Variants in TRAPPC12 observed in about 807,000 individuals in gnomAD.
The protein encoded by TRAPPC12 is trafficking protein particle complex subunit 12, also known as TPR repeat protein 15.
In TRAPPC12, 61 loss-of-function variants were observed where a neutral mutation model predicts 69.2. The ratio of observed to expected loss-of-function variants is 0.88; its 90% confidence interval spans 0.72 to 1.09. The LOEUF (loss-of-function observed/expected upper bound fraction) is 1.09. TRAPPC12 is among the 50% of genes least tolerant of loss of function. The probability of loss-of-function intolerance (pLI) is 0.00; values close to 1 mark genes in which losing one functional copy is unlikely to be tolerated. For synonymous variants in TRAPPC12, 469 were observed against 438.9 expected, an observed-to-expected ratio of 1.07 and a Z score of -0.86; for missense variants, 1,101 against 1,016.4, an observed-to-expected ratio of 1.08 and a Z score of -1.13.
chr2:3,434,080 A>G (rs988461194), intron 5 of TRAPPC12, among the ~76,000 whole-genome samples: 19 of 152,206 alleles, frequency 1.2e-4, no homozygotes, highest in African/African-American at 4.6e-4. Flanking sequence ...AGGTATTTTT[A>G]TGTGCATTTA....
intron 3 of TRAPPC12, among the ~76,000 whole-genome samples, chr2:3,421,448 A>G (rs1348351633): frequency 6.6e-6 from 1 of 152,270 alleles, no homozygotes; most frequent in Non-Finnish European, 1.5e-5. Context: ...TCATATGCAA[A>G]TCTTACAGAT....
chr2:3,396,298 A>G (rs1661129428), intron 2 of TRAPPC12, among the ~76,000 whole-genome samples: 1 of 150,532 alleles, frequency 6.6e-6, no homozygotes, highest in Admixed American at 6.6e-5. Context: ...TTTGACTTGC[A>G]TAGTTTCTGA....
chr2:3,429,258 A>G (rs1663292170), intron 5 of TRAPPC12, among the ~76,000 whole-genome samples: 1 of 152,226 alleles, frequency 6.6e-6, no homozygotes, highest in Non-Finnish European at 1.5e-5. Flanking sequence ...GACTTCACAC[A>G]TAACTTGGCA....
At chr2:3,426,513 G>C (rs1039588544) in intron 5 of TRAPPC12, among the ~76,000 whole-genome samples, 2 of 152,246 alleles carry the variant, frequency 1.3e-5, no homozygotes, top group African/African-American at 4.8e-5. Flanking sequence ...GTGTTCAGGA[G>C]CTCTGTCTGC....
At chr2:3,412,142 C>G (rs150859858) in intron 3 of TRAPPC12, among the ~76,000 whole-genome samples, 3 of 152,240 alleles carry the variant, frequency 2.0e-5, no homozygotes, top group African/African-American at 7.2e-5. Flanking sequence ...AAGTGCCACA[C>G]TAAAGAAATG....
chr2:3,418,411 C>T (rs1306809194), intron 3 of TRAPPC12, among the ~76,000 whole-genome samples: 1 of 152,182 alleles, frequency 6.6e-6, no homozygotes, highest in Non-Finnish European at 1.5e-5. Context: ...GCAAGCCACT[C>T]GCGGGCTGAA....
intron 2 of TRAPPC12, among the ~76,000 whole-genome samples, chr2:3,400,500 A>G (rs1488607956): frequency 5.3e-5 from 8 of 152,060 alleles, no homozygotes; most frequent in Non-Finnish European, 1.2e-4. Flanking sequence ...CAGGGACCTC[A>G]GTGCTGCTGC....
At chr2:3,427,707 A>G (rs949725509) in intron 5 of TRAPPC12, among the ~76,000 whole-genome samples, 2 of 152,208 alleles carry the variant, frequency 1.3e-5, no homozygotes, top group African/African-American at 4.8e-5. Flanking sequence ...CCTGGCCAAC[A>G]TGGCAAAACC....
chr2:3,475,005 A>G (rs890454315), intron 9 of TRAPPC12, among the ~76,000 whole-genome samples: 2 of 152,162 alleles, frequency 1.3e-5, no homozygotes, highest in African/African-American at 4.8e-5. Context: ...TGCTCTTACC[A>G]TTATTTCCAT....
rs34767789 is a variant in TRAPPC12, at chr2:3,423,322, TTGTGTGTGTG to T, written c.1279-1181_1279-1172del. Among the ~76,000 whole-genome samples, 373 of 149,188 alleles carry T rather than the reference TTGTGTGTGTG, an allele frequency of 2.5e-3. 2 individuals are homozygous for T. Among genetic ancestry groups the T allele is most frequent in the Middle Eastern group, 0.01 (3 of 290 alleles). The stretch of plus-strand genomic sequence containing the variant: ...ATCGCATGCATTGCCTCGCATGCCT[TTGTGTGTGTG>T]TGTGTGTGTGTGTGTGTGTGTAATG... On this transcript the variant is annotated intron_variant, in intron 4 of 11. Transcript: ENST00000324266.
rs575339947 is a variant in TRAPPC12, at chr2:3,428,789, C to T, written c.1417+4126C>T. Among the ~76,000 whole-genome samples, 16 of 152,228 alleles carry T rather than the reference C, an allele frequency of 1.1e-4. No homozygotes were observed. The East Asian group carries it at 2.5e-3, about 24-fold the overall frequency. ...ATCCCGAGGACTACGTGCCTGGGGC[C>T]GACCCAGCCCCGCGCCCCCGGAGCT... On this transcript the variant is annotated intron_variant, in intron 5 of 11. Transcript: ENST00000324266.
intron 1 of TRAPPC12, among the ~76,000 whole-genome samples, chr2:3,385,936 A>G (rs1425711360): frequency 6.6e-6 from 1 of 152,190 alleles, no homozygotes; most frequent in Admixed American, 6.5e-5. Flanking sequence ...TTCTAGGGCA[A>G]TTTGTTCTTC....
At chr2:3,458,868 C>A (rs1046728495) in intron 7 of TRAPPC12, among the ~76,000 whole-genome samples, 1 of 152,146 alleles carries the variant, frequency 6.6e-6, no homozygotes, top group Non-Finnish European at 1.5e-5. Flanking sequence ...CAAAGATCAT[C>A]AGAATAAATA....
At chr2:3,396,414 T>C (rs1202319264) in intron 2 of TRAPPC12, among the ~76,000 whole-genome samples, 1 of 152,208 alleles carries the variant, frequency 6.6e-6, no homozygotes, top group African/African-American at 2.4e-5. Context: ...AGTTTGGTTC[T>C]GATGTACTTT....
At chr2:3,435,150 TTA>T (rs1259317008) in intron 5 of TRAPPC12, among the ~76,000 whole-genome samples, 3 of 152,182 alleles carry the variant, frequency 2.0e-5, no homozygotes, top group Non-Finnish European at 4.4e-5. Flanking sequence ...GTAGCTGAGA[TTA>T]TAGGCGCATG....
In TRAPPC12 at chr2:3,478,737, C is replaced by T. The variant is rs115622381; in HGVS notation, c.1878-109C>T. On this transcript the variant is annotated intron_variant, in intron 10 of 11. Transcript: ENST00000324266. ...TGGAGATCAGGAACCCCGGGCCACA[C>T]AGGGCCATACGCTGGGTCTCTGTGG... 1,257 of 908,402 alleles carry T rather than the reference C, an allele frequency of 1.4e-3. 12 individuals carry two copies. In the African/African-American group the frequency reaches 0.019, roughly 14 times the overall value. 56.3% of individuals were successfully genotyped at this position (908,402 alleles called of 1,614,324 possible).
chr2:3,435,043 C>T (rs1324428790), intron 5 of TRAPPC12, among the ~76,000 whole-genome samples: 1 of 152,198 alleles, frequency 6.6e-6, no homozygotes, highest in Non-Finnish European at 1.5e-5. Context: ...GATGGAGTCT[C>T]GCTCCGTCGC....
intron 3 of TRAPPC12, among the ~76,000 whole-genome samples, chr2:3,418,050 A>C (rs1234275799): frequency 1.8e-4 from 23 of 129,376 alleles, no homozygotes; most frequent in African/African-American, 6.5e-4. Context: ...AAAAAAAAAA[A>C]AAAAAAAAAC....
rs1272325667 is a variant in TRAPPC12, at chr2:3,465,656, G to C, written c.1737G>C (p.Glu579Asp). 2 of 1,614,074 alleles carry C rather than the reference G, an allele frequency of 1.2e-6. No homozygotes were observed. Among genetic ancestry groups the C allele is most frequent in the Non-Finnish European group, 1.7e-6 (2 of 1,180,036 alleles). ...HSVIKYYPEQ[E>D]PQLLSGIGRI... ...TTATCAAGTATTACCCAGAGCAAGAGCCCCAGCTGCTCAGCGGCATCGGCC... is the reference window on the plus strand; with the variant it reads ...TTATCAAGTATTACCCAGAGCAAGACCCCCAGCTGCTCAGCGGCATCGGCC... The change falls in exon 9 of 12, where the codon GAG becomes GAC. Residue 579 changes from glutamate (E) to aspartate (D), a missense_variant. Transcript: ENST00000324266.
Sources: allele counts gnomAD v4.1 joint callset (sites outside exome capture counted in the v4.1 genomes callset), GRCh38; gene constraint gnomAD v4.1.1; transcripts MANE v1.5; gene names NCBI Gene and HGNC (gene_info 2026-07-23, HGNC 2026-07-21).